WRAP53: variants seen among roughly 807,000 people sequenced by gnomAD.
The protein encoded by WRAP53 is WD repeat containing antisense to TP53, also known as telomerase Cajal body protein 1.
A neutral mutation model predicts 56.6 loss-of-function variants in WRAP53; 28 were observed. The ratio of observed to expected loss-of-function variants is 0.50; its 90% CI spans 0.37 to 0.68. WRAP53 has a LOEUF of 0.68. WRAP53 is among the 30% of genes least tolerant of loss of function. WRAP53 has a pLI of 0.00. For missense variants in WRAP53, 671 were observed against 715.5 expected, an observed-to-expected ratio of 0.94 and a Z score of 0.71; for synonymous variants, 283 against 283.4, an observed-to-expected ratio of 1.00 and a Z score of 0.01.
chr17:7,692,050 C>A (rs1372166828), intron 4 of WRAP53, among the ~76,000 whole-genome samples: 2 of 151,504 alleles, frequency 1.3e-5, no homozygotes, highest in African/African-American at 2.4e-5. Flanking sequence ...TCATATTGGC[C>A]AGGCTGGTCT....
chr17:7,701,410 T>C lies in WRAP53; in HGVS notation c.732-49T>C. The C allele has an allele frequency of 6.2e-7, 1 of 1,603,838 alleles. No individual in the cohort carries two copies. Among genetic ancestry groups the C allele is most frequent in the Non-Finnish European group, 8.5e-7 (1 of 1,170,692 alleles). On this transcript the variant is annotated intron_variant, in intron 5 of 10. Coordinates refer to ENST00000396463, the MANE Select transcript of WRAP53 (RefSeq NM_001143992.2). The surrounding 1 kb of genome is among the most constrained non-coding windows in gnomAD (Gnocchi z 4.2). ...ATGAGCCACTGTGCCCGGCCATTCCTCCCCTTCCTTTGACAGCACCGGGGT... is the reference window on the plus strand; with the variant it reads ...ATGAGCCACTGTGCCCGGCCATTCCCCCCCTTCCTTTGACAGCACCGGGGT...
Position 7,688,865 on chromosome 17 carries a change from G to A in WRAP53, c.217G>A (p.Val73Ile), listed in dbSNP as rs764037927. The change falls in exon 2 of 11, where the codon GTT becomes ATT. Residue 73 changes from valine to isoleucine, a missense_variant. By Grantham distance (29) the Val-to-Ile change is conservative. Transcript: ENST00000396463. ...VSQELREGDP[V>I]SLSTPLETEF... ...CCAGGAGCTACGGGAGGGGGACCCA[G>A]TTTCTCTCTCCACTCCCCTGGAAAC... The A allele has an allele frequency of 4.3e-6, 7 of 1,614,198 alleles. No homozygotes were observed. In the East Asian group the frequency reaches 1.6e-4, roughly 36 times the overall value.
upstream of WRAP53, chr17:7,687,207 T>C (rs1203162510): frequency 2.5e-6 from 1 of 397,464 alleles, no homozygotes; most frequent in Non-Finnish European, 4.4e-6. Flanking sequence ...CTCCCAACAA[T>C]GCAACTCCTA....
intron 4 of WRAP53, among the ~76,000 whole-genome samples, chr17:7,695,967 G>T (rs543451999): frequency 6.6e-5 from 10 of 152,272 alleles, no homozygotes; most frequent in African/African-American, 2.4e-4. Context: ...CACGTGTTGG[G>T]GAAGCAGTGG....
At chr17:7,695,424 C>T (rs8067640) in intron 4 of WRAP53, among the ~76,000 whole-genome samples, 11,734 of 152,128 alleles carry the variant, frequency 0.077, 1,177 homozygotes, top group African/African-American at 0.23. Context: ...AGCTCCCCAG[C>T]GTCTTTCCTG....
chr17:7,693,571 T>C (rs1382653583), intron 4 of WRAP53, among the ~76,000 whole-genome samples: 2 of 151,944 alleles, frequency 1.3e-5, no homozygotes, highest in African/African-American at 4.8e-5. Flanking sequence ...ATACAAAAAT[T>C]AGCCGGGCTT....
rs1212190637 is a variant in WRAP53 at position 7,703,266 on chromosome 17, T to C, written c.1427T>C (p.Leu476Pro). ...GVSLHPSLPL[L>P]ATASGQRVFP... ...AGCCTGCACCCTAGCCTGCCTCTCC[T>C]GGCCACTGCCTCCGGTCAGCGTGTG... The change falls in exon 11 of 11, where the codon CTG becomes CCG. Residue 476 changes from leucine to proline, a missense_variant. Around this residue, in one of 3 missense-constraint regions of WRAP53, gnomAD observed 158 missense variants for 215.7 expected, o/e 0.73. Coordinates refer to ENST00000396463, the MANE Select transcript of WRAP53 (RefSeq NM_001143992.2). The C allele has an allele frequency of 6.2e-7, 1 of 1,613,746 alleles. No homozygotes were observed. Among genetic ancestry groups the C allele is most frequent in the Non-Finnish European group, 8.5e-7 (1 of 1,180,020 alleles).
Position 7,702,365 on chromosome 17 carries a change from G to C in WRAP53, c.977G>C (p.Gly326Ala), listed in dbSNP as rs1277574407. ...ATFAKKQGQS[G>A]IISCIAFSPA... ...CTAGCAAAAAAGCAGGGCCAGAGCG[G>C]CATCATCTCCTGCATAGCCTTCAGC... Residue 326 changes from glycine (G) to alanine (A), a missense_variant, in exon 8 of 11, where the codon GGC becomes GCC. Around this residue, in one of 3 missense-constraint regions of WRAP53, gnomAD observed 406 missense variants for 418.5 expected, o/e 0.97. Transcript: ENST00000396463. The surrounding 1 kb of genome is among the most constrained non-coding windows in gnomAD (Gnocchi z 5.0). The C allele has an allele frequency of 6.2e-7, 1 of 1,614,094 alleles. No homozygotes were observed. The highest frequency in any genetic ancestry group is 8.5e-7 in the Non-Finnish European group (1 of 1,180,030).
At chr17:7,688,586 G>T in intron 1 of WRAP53, 25 bp downstream of exon 1, 1 of 1,587,642 alleles carries the variant, frequency 6.3e-7, no homozygotes, top group Non-Finnish European at 8.6e-7. Context: ...CTCTGCGTCG[G>T]ATCCCTGAGA....
chr17:7,689,005 C>T lies in WRAP53; in HGVS notation c.357C>T (p.Asn119=). ...GGAGCCTTTCTGAAGAAGAAGCGAA[C>T]GGGCCAGAGTTGGGGTCTGGAAAAG... ...ANGSLSEEEA[N]GPELGSGKAM... is the part of the protein sequence containing the mutation. The change falls in exon 2 of 11, where the codon AAC becomes AAT. Residue 119 remains asparagine, a synonymous_variant. Coordinates refer to ENST00000396463, the MANE Select transcript of WRAP53 (RefSeq NM_001143992.2). The T allele has an allele frequency of 1.9e-6, 3 of 1,614,144 alleles. No homozygotes were observed. Among genetic ancestry groups the T allele is most frequent in the South Asian group, 2.2e-5 (2 of 91,078 alleles).
chr17:7,702,429 C>G lies in WRAP53; in HGVS notation c.1041C>G (p.Arg347=), dbSNP rs991571322. The G allele has an allele frequency of 1.9e-6, 3 of 1,614,020 alleles. No individual in the cohort carries two copies. In the African/African-American group the frequency reaches 4.0e-5, roughly 22 times the overall value. ...QPLYACGSYG[R]SLGLYAWDDG... is the part of the protein sequence containing the mutation. ...TCTATGCCTGTGGCTCCTACGGCCGCTCCCTGGGTCTGTATGCCTGGGATG... is the reference window on the plus strand; with the variant it reads ...TCTATGCCTGTGGCTCCTACGGCCGGTCCCTGGGTCTGTATGCCTGGGATG... Residue 347 remains arginine (R), a synonymous_variant, in exon 8 of 11, where the codon CGC becomes CGG. Transcript: ENST00000396463. This position sits in a 1 kb window ranked among gnomAD's most constrained non-coding sequence, Gnocchi z 5.0.
Position 7,688,871 on chromosome 17 carries a change from C to G in WRAP53, c.223C>G (p.Leu75Val). Residue 75 changes from leucine (L) to valine (V), a missense_variant, in exon 2 of 11, where the codon CTC becomes GTC. This residue lies in a region of WRAP53 where 406 missense variants were observed against 418.5 expected (regional missense o/e 0.97). Transcript: ENST00000396463. ...GCTACGGGAGGGGGACCCAGTTTCT[C>G]TCTCCACTCCCCTGGAAACAGAGTT... ...QELREGDPVS[L>V]STPLETEFGS... 1 of 1,614,218 alleles carries G rather than the reference C, an allele frequency of 6.2e-7. No homozygotes were observed.
At chr17:7,694,895 G>A (rs140536890) in intron 4 of WRAP53, among the ~76,000 whole-genome samples, 17 of 145,918 alleles carry the variant, frequency 1.2e-4, no homozygotes, top group Admixed American at 1.1e-3. Context: ...CAGTTCTATC[G>A]CAACCTCTCT....
Position 7,702,378 on chromosome 17 carries a change from C to T in WRAP53, c.990C>T (p.Cys330=). ...KKQGQSGIIS[C]IAFSPAQPLY... is the part of the protein sequence containing the mutation. Reference sequence around the variant, plus strand: ...AGGGCCAGAGCGGCATCATCTCCTGCATAGCCTTCAGCCCAGCCCAGCCCC... The same window carrying T: ...AGGGCCAGAGCGGCATCATCTCCTGTATAGCCTTCAGCCCAGCCCAGCCCC... Residue 330 remains cysteine (C), a synonymous_variant, in exon 8 of 11, where the codon TGC becomes TGT. Transcript: ENST00000396463. This position sits in a 1 kb window ranked among gnomAD's most constrained non-coding sequence, Gnocchi z 5.0. The T allele has an allele frequency of 6.2e-7, 1 of 1,614,198 alleles. No homozygotes were observed. The highest frequency in any genetic ancestry group is 8.5e-7 in the Non-Finnish European group (1 of 1,180,034).
chr17:7,689,068 C>T lies in WRAP53; in HGVS notation c.420C>T (p.Asp140=), dbSNP rs751935581. Residue 140 remains aspartate (D), a synonymous_variant, in exon 2 of 11, where the codon GAC becomes GAT. Coordinates refer to ENST00000396463, the MANE Select transcript of WRAP53 (RefSeq NM_001143992.2). ...EDTSGEPAAE[D]EGDTAWNYSF... Reference sequence around the variant, plus strand: ...CCTCTGGGGAACCCGCTGCAGAGGACGAGGGAGACACGTAAGTGGTGATGG... The same window carrying T: ...CCTCTGGGGAACCCGCTGCAGAGGATGAGGGAGACACGTAAGTGGTGATGG... The T allele has an allele frequency of 6.2e-7, 1 of 1,614,042 alleles. No homozygotes were observed. The highest frequency in any genetic ancestry group is 1.1e-5 in the South Asian group (1 of 91,076).
intron 4 of WRAP53, among the ~76,000 whole-genome samples, chr17:7,696,555 C>T (rs1012551039): frequency 1.3e-5 from 2 of 152,252 alleles, no homozygotes; most frequent in East Asian, 3.9e-4. Context: ...GCCTTGGCCT[C>T]CCAAAGTGCT....
rs750517279 is a variant in WRAP53, at chr17:7,689,674, G to T, written c.615G>T (p.Glu205Asp). Residue 205 changes from glutamate (E) to aspartate (D), a missense_variant, in exon 4 of 11, where the codon GAG (glutamate) becomes GAT (aspartate). Glu to Asp is a conservative substitution (Grantham distance 45). Transcript: ENST00000396463. ...ACCTGCCCCCAGAGCTGTACCATGA[G>T]GGGGAGCAGGTGGAATATGCAGAAA... ...IYNLPPELYH[E>D]GEQVEYAEMV... The T allele has an allele frequency of 4.3e-6, 7 of 1,614,050 alleles. No homozygotes were observed. The highest frequency in any genetic ancestry group is 4.0e-5 in the African/African-American group (3 of 74,934).
At chr17:7,694,242 C>CTTTTTTT (rs749740076) in intron 4 of WRAP53, among the ~76,000 whole-genome samples, 13 of 122,618 alleles carry the variant, frequency 1.1e-4, no homozygotes, top group Non-Finnish European at 2.0e-4. Context: ...TTTTTTCTTT[C>CTTTTTTT]TTTTTTTTTT....
At chr17:7,698,026 T>A (rs2074209462) in intron 4 of WRAP53, among the ~76,000 whole-genome samples, 1 of 152,152 alleles carries the variant, frequency 6.6e-6, no homozygotes, top group Non-Finnish European at 1.5e-5. Context: ...CCAATATGCC[T>A]GACTAATTTT....
Sources: allele counts gnomAD v4.1 joint callset (sites outside exome capture counted in the v4.1 genomes callset), GRCh38; gene constraint gnomAD v4.1.1; regional missense constraint gnomAD v4.1.1; non-coding constraint Gnocchi (gnomAD v3.1); transcripts MANE v1.5; gene names NCBI Gene and HGNC (gene_info 2026-07-23, HGNC 2026-07-21).